The following HERPUD2 variants were observed in gnomAD, a reference collection of about 807,000 sequenced individuals.
HERPUD2 encodes HERPUD family member 2.
Under a neutral mutation model 49.9 loss-of-function variants are expected in HERPUD2, and 13 were observed. That is an observed-to-expected ratio of 0.26 (90% CI 0.17 to 0.41). The LOEUF (loss-of-function observed/expected upper bound fraction) is 0.41. HERPUD2 is among the 10% of genes least tolerant of loss of function. The probability of loss-of-function intolerance (pLI) is 1.00; values close to 1 mark genes in which losing one functional copy is unlikely to be tolerated. For synonymous variants in HERPUD2, 172 were observed against 171.4 expected (o/e 1.00, Z -0.03); for missense variants, 449 against 492.2 (o/e 0.91, Z 0.83).
chr7:35,671,434 G>A (rs1785642373), intron 3 of HERPUD2, among the ~76,000 whole-genome samples: 1 of 151,990 alleles, frequency 6.6e-6, no homozygotes, highest in Admixed American at 6.6e-5. Flanking sequence ...CCTGGCAAAG[G>A]AGGTTGAAGA....
rs754347263 is a variant in HERPUD2, at chr7:35,633,753, C to T, written c.1158G>A (p.Trp386Ter). ...IQRPGLMASA[W>*]SFITTFFTSL... ...AAGTAAAGAAGGTGGTGATGAAAGA[C>T]CAAGCTGAAGCCATTAATCCAGGCC... The change falls in exon 9 of 9, where the codon TGG becomes TGA. Residue 386 changes from tryptophan (W) to a stop codon, truncating the protein, a stop_gained. Coordinates refer to ENST00000311350, the MANE Select transcript of HERPUD2 (RefSeq NM_022373.5). LOFTEE classifies it high-confidence loss of function. 6.2e-7 allele frequency: 1 copy of T among 1,613,976 alleles called. No individual in the cohort carries two copies. Among genetic ancestry groups the T allele is most frequent in the Admixed American group, 1.7e-5 (1 of 60,018 alleles).
At chr7:35,662,372 G>C (rs1227193426) in intron 5 of HERPUD2, among the ~76,000 whole-genome samples, 4 of 152,172 alleles carry the variant, frequency 2.6e-5, no homozygotes, top group Admixed American at 2.6e-4. Context: ...TTGGTATCAG[G>C]ATGATACTGG....
In HERPUD2 at chr7:35,694,601, T is replaced by C. The variant is rs1488531727; in HGVS notation, c.-271A>G. 2 of 481,814 alleles carry C rather than the reference T, an allele frequency of 4.2e-6. No homozygotes were observed. The highest frequency in any genetic ancestry group is 3.9e-5 in the African/African-American group (2 of 51,718). 29.8% of individuals were successfully genotyped at this position (481,814 alleles called of 1,614,324 possible). On this transcript the variant is annotated 5_prime_UTR_variant, in exon 2 of 9. Coordinates refer to ENST00000311350, the MANE Select transcript of HERPUD2 (RefSeq NM_022373.5). ...CCGGGCTCCGCCGGGCTCCGGACTGTGGAGGCCGTCGTGAGGAGAAAGGAA... is the reference window on the plus strand; with the variant it reads ...CCGGGCTCCGCCGGGCTCCGGACTGCGGAGGCCGTCGTGAGGAGAAAGGAA...
chr7:35,656,313 G>A lies in HERPUD2; in HGVS notation c.494+11121C>T, dbSNP rs1785273901. Among the ~76,000 whole-genome samples the A allele has an allele frequency of 3.3e-5, 5 of 151,896 alleles. No homozygotes were observed. In the South Asian group the frequency reaches 6.2e-4, roughly 19 times the overall value. On this transcript the variant is annotated intron_variant, in intron 5 of 8. Coordinates refer to ENST00000311350, the MANE Select transcript of HERPUD2 (RefSeq NM_022373.5). ...ATAAGGAAAACTATAAAACACTAAT[G>A]AAAGAAATTGAAGAGGATATAAACA...
intron 2 of HERPUD2, among the ~76,000 whole-genome samples, chr7:35,675,558 T>C (rs1362741042): frequency 6.6e-6 from 1 of 152,178 alleles, no homozygotes; most frequent in African/African-American, 2.4e-5. Context: ...TCACTCTGCA[T>C]AAAGGACATC....
chr7:35,639,677 A>G lies in HERPUD2; in HGVS notation c.495-1205T>C, dbSNP rs116696513. Among the ~76,000 whole-genome samples, 753 of 152,326 alleles carry G rather than the reference A, an allele frequency of 4.9e-3. 7 individuals carry two copies. The highest frequency in any genetic ancestry group is 0.017 in the African/African-American group (709 of 41,574). On this transcript the variant is annotated intron_variant, in intron 5 of 8. Coordinates refer to ENST00000311350, the MANE Select transcript of HERPUD2 (RefSeq NM_022373.5). ...ACTAGTTTGGTCTATCCAGAGTGAG[A>G]CAAGAATAAATTCATTAGCTATAAT...
chr7:35,675,278 T>C (rs1158046740), intron 2 of HERPUD2, among the ~76,000 whole-genome samples: 1 of 152,248 alleles, frequency 6.6e-6, no homozygotes. Context: ...TATTGCGTGT[T>C]GTGAGAGCAT....
intron 5 of HERPUD2, among the ~76,000 whole-genome samples, chr7:35,650,334 C>T (rs1785137075): frequency 6.6e-6 from 1 of 152,066 alleles, no homozygotes; most frequent in Admixed American, 6.5e-5. Context: ...AAGTGGGGAC[C>T]CCCAGCAGTC....
chr7:35,642,829 G>A (rs1784987802), intron 5 of HERPUD2, among the ~76,000 whole-genome samples: 1 of 152,032 alleles, frequency 6.6e-6, no homozygotes, highest in Non-Finnish European at 1.5e-5. Context: ...GGAGGAGGGA[G>A]AGTATCAGAA....
intron 2 of HERPUD2, among the ~76,000 whole-genome samples, chr7:35,690,382 T>C (rs1405134853): frequency 6.6e-6 from 1 of 152,270 alleles, no homozygotes; most frequent in Non-Finnish European, 1.5e-5. Context: ...ATATGGCAAC[T>C]GCCTAAATTC....
chr7:35,655,476 T>C (rs1454771572), intron 5 of HERPUD2, among the ~76,000 whole-genome samples: 2 of 152,160 alleles, frequency 1.3e-5, no homozygotes, highest in Admixed American at 6.5e-5. Context: ...AAAAACCATA[T>C]GATCATCTCA....
intron 6 of HERPUD2, 97 bp downstream of exon 6, chr7:35,638,252 TA>T: frequency 8.2e-7 from 1 of 1,218,468 alleles, no homozygotes; most frequent in Non-Finnish European, 1.1e-6. Flanking sequence ...ATTAAATACA[TA>T]AACAAATGAA....
At chr7:35,660,553 T>TTTTAATGA in intron 5 of HERPUD2, among the ~76,000 whole-genome samples, 2 of 152,334 alleles carry the variant, frequency 1.3e-5, no homozygotes. Flanking sequence ...TTTCCTGACT[T>TTTTAATGA]TTTAATGATC....
chr7:35,674,404 T>TATATAGAG (rs1785711309), intron 2 of HERPUD2, among the ~76,000 whole-genome samples: 6 of 38,128 alleles, frequency 1.6e-4, no homozygotes, highest in Non-Finnish European at 2.6e-4. Context: ...TATATATATA[T>TATATAGAG]AGAGAGAGAG....
intron 2 of HERPUD2, among the ~76,000 whole-genome samples, chr7:35,685,471 G>A (rs555603392): frequency 9.8e-4 from 149 of 151,482 alleles, no homozygotes; most frequent in African/African-American, 3.3e-3. Flanking sequence ...TTACAGGCGC[G>A]TGCCACTATG....
chr7:35,667,024 G>T (rs1785551095), intron 5 of HERPUD2, among the ~76,000 whole-genome samples: 1 of 152,110 alleles, frequency 6.6e-6, no homozygotes, highest in East Asian at 1.9e-4. Context: ...ACACTAAATT[G>T]AGTAGATCTA....
chr7:35,680,053 T>C (rs1433197458), intron 2 of HERPUD2, among the ~76,000 whole-genome samples: 1 of 152,198 alleles, frequency 6.6e-6, no homozygotes, highest in African/African-American at 2.4e-5. Flanking sequence ...GCATCTGCAA[T>C]AGTCTTTTAA....
At chr7:35,644,940 T>G (rs1329690316) in intron 5 of HERPUD2, among the ~76,000 whole-genome samples, 2 of 152,148 alleles carry the variant, frequency 1.3e-5, no homozygotes, top group Admixed American at 6.5e-5. Context: ...CTAATGGTAT[T>G]GTGATTAAGA....
intron 2 of HERPUD2, among the ~76,000 whole-genome samples, chr7:35,674,410 G>T (rs3857744): frequency 0.38 from 5,446 of 14,354 alleles, 171 homozygotes; most frequent in Non-Finnish European, 0.41. Flanking sequence ...TATATAGAGA[G>T]AGAGAGAGAG....
Sources: gnomAD v4.1 joint callset for allele counts (sites outside exome capture counted in the v4.1 genomes callset) on GRCh38, gnomAD v4.1.1 for gene constraint, MANE v1.5 for transcripts, NCBI Gene and HGNC (gene_info 2026-07-23, HGNC 2026-07-21) for gene names.